Variants in CHD9 observed in about 807,000 individuals in gnomAD.
The protein encoded by CHD9 is ATP-dependent chromatin remodeler CHD9.
Under a neutral mutation model 316.1 loss-of-function variants are expected in CHD9, and 77 were observed. The observed-to-expected ratio is 0.24, with a 90% CI of 0.20 to 0.29. The LOEUF is 0.29. Among genes scored for constraint, CHD9 ranks in the 10% least tolerant of loss-of-function variants. The probability of loss-of-function intolerance (pLI) is 1.00; values close to 1 mark genes in which losing one functional copy is unlikely to be tolerated. For missense variants in CHD9, 2,763 were observed against 3,438.1 expected, an observed-to-expected ratio of 0.80 and a Z score of 4.91; for synonymous variants, 1,129 against 1,158.3, an observed-to-expected ratio of 0.97 and a Z score of 0.51.
chr16:53,153,481 T>G (rs2041276044), intron 1 of CHD9, among the ~76,000 whole-genome samples: 1 of 152,144 alleles, frequency 6.6e-6, no homozygotes, highest in Non-Finnish European at 1.5e-5. Context: ...TTTTCCAACT[T>G]AAATGTAAAA....
chr16:53,129,111 T>C (rs1198596928), intron 1 of CHD9, among the ~76,000 whole-genome samples: 2 of 152,190 alleles, frequency 1.3e-5, no homozygotes, highest in Non-Finnish European at 2.9e-5. Flanking sequence ...TGGCATACAA[T>C]AATGTTGATA....
In CHD9 at chr16:53,109,027, G is replaced by T. The variant is rs377388787; in HGVS notation, c.-164-46899G>T. ...GGTGTATCTGGGGATAACTGATCTTGGGATGTGCAGGGAGGAATAATGAGA... is the reference window on the plus strand; with the variant it reads ...GGTGTATCTGGGGATAACTGATCTTTGGATGTGCAGGGAGGAATAATGAGA... On this transcript the variant is annotated intron_variant, in intron 1 of 38. Coordinates refer to ENST00000447540, the MANE Select transcript of CHD9 (RefSeq NM_001308319.2). 2.0e-5 allele frequency among the ~76,000 whole-genome samples: 3 copies of T among 152,342 alleles called. No individual in the cohort carries two copies. In the East Asian group the frequency reaches 5.8e-4, roughly 29 times the overall value.
rs774356848 is a variant in CHD9 at position 53,325,461 on chromosome 16, A to G, written c.*566A>G. ...AAGAAATAAGTTTCCCAATCAGCCA[A>G]TTTAACTGGCTACCTGTTACCTCAG... is the stretch of plus-strand genomic sequence containing the variant. On this transcript the variant is annotated 3_prime_UTR_variant, in exon 39 of 39. Coordinates refer to ENST00000447540, the MANE Select transcript of CHD9 (RefSeq NM_001308319.2). The G allele has an allele frequency of 2.6e-5, 4 of 152,636 alleles. No homozygotes were observed. The highest frequency in any genetic ancestry group is 2.4e-5 in the African/African-American group (1 of 41,468). The allele number at this position is 152,636 out of a possible 1,614,324, so 9.5% of individuals were successfully genotyped here.
At chr16:53,151,212 T>TC (rs1164781852) in intron 1 of CHD9, among the ~76,000 whole-genome samples, 9 of 24,022 alleles carry the variant, frequency 3.7e-4, no homozygotes, top group Non-Finnish European at 5.6e-4. Flanking sequence ...TCCCCTCCCC[T>TC]CCCCCCCTCC....
chr16:53,095,271 C>T (rs2036279576), intron 1 of CHD9, among the ~76,000 whole-genome samples: 1 of 152,156 alleles, frequency 6.6e-6, no homozygotes, highest in Non-Finnish European at 1.5e-5. Context: ...CCTGGCTAGG[C>T]GCAGTGGTTC....
chr16:53,158,559 G>A (rs1019324248), intron 2 of CHD9, among the ~76,000 whole-genome samples: 1 of 152,064 alleles, frequency 6.6e-6, no homozygotes, highest in Non-Finnish European at 1.5e-5. Flanking sequence ...AATAATAAAG[G>A]ATTAATAGAT....
chr16:53,287,841 A>C, intron 26 of CHD9, 116 bp from the exon 27 acceptor site: 1 of 790,080 alleles, frequency 1.3e-6, no homozygotes. Flanking sequence ...CTGGCTAGAG[A>C]AGAGACGTCA....
intron 30 of CHD9, chr16:53,299,271 T>G (rs986420555): frequency 6.4e-6 from 1 of 155,222 alleles, no homozygotes; most frequent in Non-Finnish European, 1.4e-5. Context: ...ATAAAGATGC[T>G]CTGGCATTTT....
At chr16:53,291,858 G>T in intron 28 of CHD9, 91 bp downstream of exon 28, 3 of 777,590 alleles carry the variant, frequency 3.9e-6, no homozygotes, top group Non-Finnish European at 5.8e-6. Flanking sequence ...CTTTTATAAT[G>T]TTTCATATAT....
In CHD9 at chr16:53,324,471, C is replaced by T; in HGVS notation, c.8270C>T (p.Thr2757Ile). The change falls in exon 39 of 39, where the codon ACA becomes ATA. Residue 2757 changes from threonine to isoleucine, a missense_variant. By Grantham distance (89) the Thr-to-Ile change is moderately conservative (BLOSUM62 -1). This residue lies in a region of CHD9 where 298 missense variants were observed against 380.2 expected (regional missense o/e 0.78). Transcript: ENST00000447540. ...SKESEGKTER[T>I]ESQSSENGGE... ...GAGTCAGAAGGAAAAACAGAAAGGA[C>T]AGAGAGCCAAAGTTCAGAGAATGGT... 1 of 1,613,954 alleles carries T rather than the reference C, an allele frequency of 6.2e-7. No homozygotes were observed. The highest frequency in any genetic ancestry group is 8.5e-7 in the Non-Finnish European group (1 of 1,179,860).
chr16:53,166,243 G>A (rs2042260808), intron 2 of CHD9, among the ~76,000 whole-genome samples: 1 of 152,096 alleles, frequency 6.6e-6, no homozygotes, highest in Non-Finnish European at 1.5e-5. Flanking sequence ...TGTACTGCCT[G>A]TCAGGAATCA....
chr16:53,289,700 G>T (rs113145551), intron 27 of CHD9, among the ~76,000 whole-genome samples: 1 of 152,152 alleles, frequency 6.6e-6, no homozygotes, highest in African/African-American at 2.4e-5. Context: ...GCATATAAAA[G>T]CAGCATCTAC....
At chr16:53,206,121 T>G (rs2045875081) in intron 2 of CHD9, among the ~76,000 whole-genome samples, 1 of 152,010 alleles carries the variant, frequency 6.6e-6, no homozygotes, top group Admixed American at 6.6e-5. Context: ...CCCAGTTAAT[T>G]TTGTATTTTT....
intron 1 of CHD9, among the ~76,000 whole-genome samples, chr16:53,154,995 T>C (rs1191863120): frequency 2.0e-5 from 3 of 152,186 alleles, no homozygotes; most frequent in East Asian, 3.8e-4. Context: ...TTCTTATTTA[T>C]TTTAAAATTT....
In CHD9 at chr16:53,238,594, A is replaced by C. The variant is rs1315652067; in HGVS notation, c.2877+8A>C. On this transcript the variant is annotated splice_region_variant and intron_variant, in intron 12 of 38. Transcript: ENST00000447540. Reference sequence around the variant, plus strand: ...TACTTCAGGGATTCACAGGTGTGTTATTGATTATTTTGTTTGTTGTTTGAA... The same window carrying C: ...TACTTCAGGGATTCACAGGTGTGTTCTTGATTATTTTGTTTGTTGTTTGAA... The C allele has an allele frequency of 6.2e-7, 1 of 1,610,758 alleles. No homozygotes were observed. Among genetic ancestry groups the C allele is most frequent in the Admixed American group, 1.7e-5 (1 of 59,848 alleles).
chr16:53,169,953 T>C (rs558556087), intron 2 of CHD9, among the ~76,000 whole-genome samples: 1 of 152,280 alleles, frequency 6.6e-6, no homozygotes, highest in Non-Finnish European at 1.5e-5. Flanking sequence ...CTTTCTGTTG[T>C]TCCATCCTAA....
intron 2 of CHD9, among the ~76,000 whole-genome samples, chr16:53,172,537 G>T (rs750775657): frequency 6.6e-6 from 1 of 152,044 alleles, no homozygotes; most frequent in African/African-American, 2.4e-5. Context: ...GTAAATACCT[G>T]GCAATGGCTG....
chr16:53,289,651 T>A (rs2054167035), intron 27 of CHD9, among the ~76,000 whole-genome samples: 1 of 152,086 alleles, frequency 6.6e-6, no homozygotes, highest in Non-Finnish European at 1.5e-5. Context: ...AGTAATAGAT[T>A]AGTAAAAAAT....
chr16:53,070,512 CCTTCCTTCCTTCCTTCCTTCCTCTCT>C (rs1195227188), intron 1 of CHD9, among the ~76,000 whole-genome samples: 2 of 128,480 alleles, frequency 1.6e-5, no homozygotes, highest in African/African-American at 6.2e-5. Context: ...TTCCTTCCTT[CCTTCCTTCCTTCCTTCCTTCCTCTCT>C]CTCTCTCTCT....
Sources: gnomAD v4.1 joint callset for allele counts (sites outside exome capture counted in the v4.1 genomes callset) on GRCh38, gnomAD v4.1.1 for gene constraint, gnomAD v4.1.1 regional missense constraint, MANE v1.5 for transcripts, NCBI Gene and HGNC (gene_info 2026-07-23, HGNC 2026-07-21) for gene names.